CLCN5: variants seen among roughly 807,000 people sequenced by gnomAD.
CLCN5 encodes Cl-/H+ antiporter 5.
CLCN5 carries 17 observed loss-of-function variants against 54.0 expected under a neutral mutation model. The ratio of observed to expected loss-of-function variants is 0.31; its 90% confidence interval spans 0.22 to 0.47. CLCN5 has a LOEUF of 0.47. Ranked by LOEUF, CLCN5 falls within the 20% of genes least tolerant of loss-of-function variation. The pLI is 1.00. For missense variants in CLCN5, 448 were observed against 646.7 expected (o/e 0.69, Z 3.33); for synonymous variants, 222 against 233.0 (o/e 0.95, Z 0.43).
At chrX:50,007,416 T>A (rs1930231147) in intron 3 of CLCN5, among the ~76,000 whole-genome samples, 1 of 100,040 alleles carries the variant, frequency 1.0e-5, no homozygotes, top group African/African-American at 4.1e-5. Flanking sequence ...TCTCTCTCTC[T>A]CTCTCTCTCT....
rs368039993 is a variant in CLCN5, at chrX:50,086,787, G to T, written c.1474G>T (p.Val492Leu). ...TGAACTGCCTGACAGACCGGCTGGC[G>T]TGGGAGTCTACAGTGCAATGTGGCA... ...GGELPDRPAG[V>L]GVYSAMWQLA... The change falls in exon 11 of 15, where the codon GTG becomes TTG. Residue 492 changes from valine (V) to leucine (L), a missense_variant. Physicochemically the swap from Val to Leu is conservative, Grantham distance 32. Coordinates refer to ENST00000376091, the MANE Select transcript of CLCN5 (RefSeq NM_001127898.4). 62 of 1,208,699 alleles carry T rather than the reference G, an allele frequency of 5.1e-5. No individual in the cohort carries two copies. The highest frequency in any genetic ancestry group is 1.5e-5 in the Non-Finnish European group (13 of 894,716).
At position 50,096,370 on chromosome X, in the gene CLCN5, G is replaced by A. The variant is rs992617516; in HGVS notation, c.*4151G>A. The A allele has an allele frequency of 9.0e-6, 1 of 111,409 alleles. No homozygotes were observed. The allele number at this position is 111,409 out of a possible 1,213,427, so 9.2% of individuals were successfully genotyped here. A position where few individuals can be genotyped will look rare whatever the true frequency, so the allele number is the denominator to read the frequency against. On this transcript the variant is annotated 3_prime_UTR_variant, in exon 15 of 15. Transcript: ENST00000376091. ...CTCTATCACCAGGTGGGAGTGCAGTGGCACAATCTCGGCTCACTGTAACCT... is the reference window on the plus strand; with the variant it reads ...CTCTATCACCAGGTGGGAGTGCAGTAGCACAATCTCGGCTCACTGTAACCT...
chrX:50,077,025 A>T (rs868993923), intron 7 of CLCN5, among the ~76,000 whole-genome samples: 14 of 111,987 alleles, frequency 1.3e-4, no homozygotes, highest in African/African-American at 4.2e-4. Flanking sequence ...CTACTCATCT[A>T]TTTTGTTAGT....
chrX:50,038,746 C>T (rs971539174), intron 3 of CLCN5, among the ~76,000 whole-genome samples: 53 of 111,859 alleles, frequency 4.7e-4, no homozygotes, highest in Non-Finnish European at 1.1e-4. Context: ...AGCAAATTAG[C>T]AATCAACATA....
At chrX:49,983,237 G>T (rs1489353527) in intron 3 of CLCN5, among the ~76,000 whole-genome samples, 1 of 111,972 alleles carries the variant, frequency 8.9e-6, no homozygotes, top group Admixed American at 9.5e-5. Flanking sequence ...CTCTGAACTG[G>T]GAGTATTAGC....
chrX:50,097,706 GA>G lies in CLCN5; in HGVS notation c.*5488del, dbSNP rs1240614492. 1.8e-5 allele frequency: 2 copies of G among 111,261 alleles called. No individual in the cohort carries two copies. The highest frequency in any genetic ancestry group is 3.8e-5 in the Non-Finnish European group (2 of 53,091). The allele number at this position is 111,261 out of a possible 1,213,427, so 9.2% of individuals were successfully genotyped here. ...GTTGTTTTGAATGTGGACTTTGTGG[GA>G]GGGAGAGGATTGTTCTGAGAACAGA... On this transcript the variant is annotated 3_prime_UTR_variant, in exon 15 of 15. Coordinates refer to ENST00000376091, the MANE Select transcript of CLCN5 (RefSeq NM_001127898.4).
At chrX:49,923,223 G>A (rs1320542578) in intron 1 of CLCN5, among the ~76,000 whole-genome samples, 184 bp from the exon 2 acceptor site, 12 of 113,230 alleles carry the variant, frequency 1.1e-4, no homozygotes, top group African/African-American at 3.8e-4. Context: ...CGCTGGTTTT[G>A]TATGGGTCTT....
intron 3 of CLCN5, among the ~76,000 whole-genome samples, chrX:50,031,024 C>A (rs1338161140): frequency 8.9e-6 from 1 of 111,948 alleles, no homozygotes; most frequent in Non-Finnish European, 1.9e-5. Flanking sequence ...TGCTTCTCTA[C>A]ACTTCACATT....
chrX:50,060,659 C>T (rs1335098510), intron 4 of CLCN5, among the ~76,000 whole-genome samples: 1 of 112,096 alleles, frequency 8.9e-6, no homozygotes, highest in African/African-American at 3.2e-5. Flanking sequence ...CCCACCACAG[C>T]TCAAGGAGGC....
chrX:49,939,555 G>A, intron 3 of CLCN5, among the ~76,000 whole-genome samples: 1 of 110,772 alleles, frequency 9.0e-6, no homozygotes, highest in African/African-American at 3.3e-5. Context: ...ACCAAACACT[G>A]CATGTTCTCA....
intron 3 of CLCN5, among the ~76,000 whole-genome samples, chrX:49,966,567 C>T (rs1294804915): frequency 1.2e-5 from 1 of 85,599 alleles, no homozygotes; most frequent in African/African-American, 3.7e-5. Flanking sequence ...TTTTCTATCT[C>T]ATTGATTTTT....
chrX:49,955,540 C>T (rs1043034302), intron 3 of CLCN5, among the ~76,000 whole-genome samples: 4 of 110,614 alleles, frequency 3.6e-5, no homozygotes, highest in Admixed American at 2.9e-4. Context: ...TAATGACTTT[C>T]GTGTGCTTTC....
At chrX:50,004,665 T>C (rs1557181127) in intron 3 of CLCN5, among the ~76,000 whole-genome samples, 1 of 111,612 alleles carries the variant, frequency 9.0e-6, no homozygotes. Flanking sequence ...CTCAGCACTT[T>C]GTGGGAGGCT....
intron 3 of CLCN5, among the ~76,000 whole-genome samples, chrX:50,034,283 G>T (rs189482187): frequency 1.8e-3 from 200 of 112,072 alleles, no homozygotes; most frequent in Admixed American, 0.014. Context: ...GTAGACAGAA[G>T]GTGATTTTAT....
chrX:49,941,975 C>G (rs1321076564), intron 3 of CLCN5, among the ~76,000 whole-genome samples: 1 of 94,481 alleles, frequency 1.1e-5, no homozygotes, highest in Non-Finnish European at 2.1e-5. Context: ...TTTCCCTGCC[C>G]CACCCAATAC....
intron 12 of CLCN5, among the ~76,000 whole-genome samples, chrX:50,089,086 G>T (rs1444040383): frequency 8.6e-5 from 9 of 105,107 alleles, no homozygotes; most frequent in Admixed American, 7.7e-4. Context: ...TAATAAAAAA[G>T]AAAAGGAATT....
chrX:50,042,928 C>T (rs1186338461), intron 4 of CLCN5, among the ~76,000 whole-genome samples: 2 of 111,590 alleles, frequency 1.8e-5, no homozygotes, highest in African/African-American at 6.5e-5. Flanking sequence ...AGTGCCGGTA[C>T]CATTTTGCAT....
At chrX:49,948,360 T>C (rs1168894093) in intron 3 of CLCN5, among the ~76,000 whole-genome samples, 2 of 111,444 alleles carry the variant, frequency 1.8e-5, no homozygotes, top group African/African-American at 6.5e-5. Context: ...AAACTCTAGA[T>C]AGCTGCAATC....
At position 50,095,978 on chromosome X, in the gene CLCN5, T is replaced by G. The variant is rs1557195526; in HGVS notation, c.*3759T>G. 1 of 112,102 alleles carries G rather than the reference T, an allele frequency of 8.9e-6. No homozygotes were observed. The highest frequency in any genetic ancestry group is 3.2e-5 in the African/African-American group (1 of 30,834). 9.2% of individuals were successfully genotyped at this position (112,102 alleles called of 1,213,427 possible). A position where few individuals can be genotyped will look rare whatever the true frequency, so the allele number is the denominator to read the frequency against. On this transcript the variant is annotated 3_prime_UTR_variant, in exon 15 of 15. Transcript: ENST00000376091. The stretch of plus-strand genomic sequence containing the variant: ...TAATGAACAGTGCAATCTTTGAACT[T>G]GAGTTTTTAATAATGATAGCAAAGA...
Sources: allele counts gnomAD v4.1 joint callset (sites outside exome capture counted in the v4.1 genomes callset), GRCh38; gene constraint gnomAD v4.1.1; transcripts MANE v1.5; gene names NCBI Gene and HGNC (gene_info 2026-07-23, HGNC 2026-07-21).